The following LAMA1 variants were observed in gnomAD, a reference collection of about 807,000 sequenced individuals.
LAMA1 encodes the protein laminin subunit alpha-1.
Under a neutral mutation model 348.7 loss-of-function variants are expected in LAMA1, and 219 were observed. The observed-to-expected ratio is 0.63, with a 90% confidence interval of 0.56 to 0.70. The LOEUF is 0.70. LAMA1 is among the 30% of genes least tolerant of loss of function. The pLI is 0.00. For missense variants in LAMA1, 3,744 were observed against 3,888.0 expected (o/e 0.96, Z 0.99); for synonymous variants, 1,487 against 1,491.0 (o/e 1.00, Z 0.06).
intron 16 of LAMA1, among the ~76,000 whole-genome samples, chr18:7,026,910 C>T (rs768446557): frequency 6.7e-6 from 1 of 150,264 alleles, no homozygotes; most frequent in African/African-American, 2.5e-5. Context: ...GGCAGAATGG[C>T]GTGAACCTGG....
chr18:7,022,868 A>G (rs1374398264), intron 19 of LAMA1, among the ~76,000 whole-genome samples: 1 of 152,094 alleles, frequency 6.6e-6, no homozygotes, highest in African/African-American at 2.4e-5. Flanking sequence ...CTTTCATTTC[A>G]GTCACGGGGA....
chr18:7,091,996 A>C (rs1328791282), intron 1 of LAMA1, among the ~76,000 whole-genome samples: 1 of 152,244 alleles, frequency 6.6e-6, no homozygotes, highest in Non-Finnish European at 1.5e-5. Flanking sequence ...CTTACAGACA[A>C]AGAAATCATT....
At chr18:6,995,266 C>T in intron 34 of LAMA1, 91 bp downstream of exon 34, 1 of 852,864 alleles carries the variant, frequency 1.2e-6, no homozygotes, top group East Asian at 2.4e-5. Flanking sequence ...ATGATCTAAT[C>T]AGAACCTTCC....
At chr18:7,036,583 T>C (rs2057995710) in intron 12 of LAMA1, among the ~76,000 whole-genome samples, 1 of 152,152 alleles carries the variant, frequency 6.6e-6, no homozygotes, top group Admixed American at 6.5e-5. Context: ...GATGGGTATA[T>C]GACAGCAATA....
intron 42 of LAMA1, 69 bp downstream of exon 42, chr18:6,980,452 C>A: frequency 9.2e-7 from 1 of 1,087,000 alleles, no homozygotes; most frequent in South Asian, 1.2e-5. Flanking sequence ...GCAGGACTTC[C>A]TTATGTTCCT....
At chr18:6,981,389 A>C (rs999696047) in intron 41 of LAMA1, among the ~76,000 whole-genome samples, 1 of 152,130 alleles carries the variant, frequency 6.6e-6, no homozygotes, top group African/African-American at 2.4e-5. Context: ...TCTCTGGCCA[A>C]TCCTCCATCC....
chr18:7,042,570 A>G, intron 8 of LAMA1: 1 of 329,418 alleles, frequency 3.0e-6, no homozygotes, highest in Non-Finnish European at 5.9e-6. Flanking sequence ...TGTAAGAACT[A>G]CATATCAAGT....
chr18:6,951,565 G>C (rs139998988), intron 57 of LAMA1, among the ~76,000 whole-genome samples: 4 of 152,156 alleles, frequency 2.6e-5, no homozygotes, highest in Non-Finnish European at 5.9e-5. Context: ...TTGGATTTTC[G>C]GCACAGTGGG....
At chr18:7,029,669 G>C (rs1457156817) in intron 16 of LAMA1, among the ~76,000 whole-genome samples, 3 of 152,124 alleles carry the variant, frequency 2.0e-5, no homozygotes, top group Non-Finnish European at 4.4e-5. Flanking sequence ...TCTCCTTGGG[G>C]AGGAAAAACA....
chr18:7,106,698 C>T (rs2058313313), intron 1 of LAMA1, among the ~76,000 whole-genome samples: 1 of 151,976 alleles, frequency 6.6e-6, no homozygotes, highest in African/African-American at 2.4e-5. Context: ...GACCCCCACC[C>T]CAGACCGGAC....
At chr18:7,092,445 G>A (rs2058243034) in intron 1 of LAMA1, among the ~76,000 whole-genome samples, 1 of 152,056 alleles carries the variant, frequency 6.6e-6, no homozygotes, top group Non-Finnish European at 1.5e-5. Flanking sequence ...CTAACATGGT[G>A]AAACCCCATT....
rs1337510410 is a variant in LAMA1 at position 6,982,538 on chromosome 18, C to G, written c.5849G>C (p.Arg1950Thr). 6.2e-7 allele frequency: 1 copy of G among 1,614,158 alleles called. No individual in the cohort carries two copies. The highest frequency in any genetic ancestry group is 1.7e-5 in the Admixed American group (1 of 60,024). Residue 1950 changes from arginine (R) to threonine (T), a missense_variant, in exon 41 of 63, where the codon AGA becomes ACA. Physicochemically the swap from Arg to Thr is moderately conservative, Grantham distance 71 (BLOSUM62 -1). This residue lies in a region of LAMA1 where 1,983 missense variants were observed against 1,934.3 expected (regional missense o/e 1.03). Transcript: ENST00000389658. ...GAGGTTGTTGCCTTCTTTTAGAAAT[C>G]TGGAGCTGCGCTGCACGGCCGCTTT... is the stretch of plus-strand genomic sequence containing the variant. The part of the protein sequence containing the change: ...NGKAAVQRSS[R>T]FLKEGNNLSR...
Position 7,049,203 on chromosome 18 carries a change from A to T in LAMA1, c.643T>A (p.Leu215Met). ...RPSADDLSPK[L>M]LEFTSARYIR... is the part of the protein sequence containing the mutation. Reference sequence around the variant, plus strand: ...TATCGTGCAGAAGTGAATTCCAACAACTTGGGTGAAAGATCGTCAGCGCTT... The same window carrying T: ...TATCGTGCAGAAGTGAATTCCAACATCTTGGGTGAAAGATCGTCAGCGCTT... Residue 215 changes from leucine (L) to methionine (M), a missense_variant, in exon 5 of 63, where the codon TTG becomes ATG. Transcript: ENST00000389658. 1 of 1,614,178 alleles carries T rather than the reference A, an allele frequency of 6.2e-7. No homozygotes were observed. Among genetic ancestry groups the T allele is most frequent in the Non-Finnish European group, 8.5e-7 (1 of 1,180,022 alleles).
chr18:7,091,541 AT>A (rs2058239749), intron 1 of LAMA1, among the ~76,000 whole-genome samples: 1 of 152,162 alleles, frequency 6.6e-6, no homozygotes, highest in Non-Finnish European at 1.5e-5. Flanking sequence ...GGTCTTAGTT[AT>A]TTCTTTCCCT....
intron 29 of LAMA1, among the ~76,000 whole-genome samples, chr18:7,004,709 TG>T (rs1456485626): frequency 2.6e-5 from 4 of 152,152 alleles, no homozygotes; most frequent in African/African-American, 4.8e-5. Context: ...TATATACTAA[TG>T]ACAAAATCAG....
At position 6,992,711 on chromosome 18, in the gene LAMA1, T is replaced by G. The variant is rs140868195; in HGVS notation, c.5018A>C (p.Glu1673Ala). ...CAAAGTCTGATTTAAAGTTGTCTTT[T>G]CCATAATTTCTATGGAGAAAATTCA... ...RLQMSITEIM[E>A]KTTLNQTLDE... The change falls in exon 36 of 63, where the codon GAA becomes GCA. Residue 1673 changes from glutamate to alanine, a missense_variant. By Grantham distance (107) the Glu-to-Ala change is moderately radical. This residue lies in a region of LAMA1 where 1,983 missense variants were observed against 1,934.3 expected (regional missense o/e 1.03). Coordinates refer to ENST00000389658, the MANE Select transcript of LAMA1 (RefSeq NM_005559.4). The G allele has an allele frequency of 5.1e-5, 83 of 1,613,048 alleles. 1 individual carries two copies. The African/African-American group carries it at 1.0e-3, about 20-fold the overall frequency.
At chr18:6,954,143 T>C (rs1422540500) in intron 57 of LAMA1, 1 of 152,210 alleles carries the variant, frequency 6.6e-6, no homozygotes, top group Admixed American at 6.5e-5. Context: ...ATTAGAGCAA[T>C]GCACTGGCTC....
intron 16 of LAMA1, among the ~76,000 whole-genome samples, chr18:7,030,482 T>C (rs2057963822): frequency 7.1e-6 from 1 of 139,894 alleles, no homozygotes; most frequent in Admixed American, 7.0e-5. Flanking sequence ...GAAATCAGAA[T>C]GTGGGGTGTA....
intron 29 of LAMA1, among the ~76,000 whole-genome samples, chr18:7,002,758 T>C (rs924740225): frequency 6.6e-6 from 1 of 152,090 alleles, no homozygotes; most frequent in African/African-American, 2.4e-5. Flanking sequence ...AACAACCACA[T>C]GTAAGGAGTT....
Sources: allele counts gnomAD v4.1 joint callset (sites outside exome capture counted in the v4.1 genomes callset), GRCh38; gene constraint gnomAD v4.1.1; regional missense constraint gnomAD v4.1.1; transcripts MANE v1.5; gene names NCBI Gene and HGNC (gene_info 2026-07-23, HGNC 2026-07-21).